Variants in DMD observed in about 807,000 individuals in gnomAD.
DMD encodes mutant dystrophin.
In DMD, 63 loss-of-function variants were observed where a neutral mutation model predicts 330.1. The observed-to-expected ratio is 0.19, with a 90% CI of 0.16 to 0.24. The LOEUF (loss-of-function observed/expected upper bound fraction) is 0.24, where lower values mean the gene tolerates loss of function less well. Ranked by LOEUF, DMD falls within the 10% of genes least tolerant of loss-of-function variation. DMD has a pLI of 1.00. For synonymous variants in DMD, 1,223 were observed against 959.8 expected, an observed-to-expected ratio of 1.27 and a Z score of -5.07; for missense variants, 3,344 against 2,684.1, an observed-to-expected ratio of 1.25 and a Z score of -5.43.
At chrX:31,254,682 G>A (rs1603236188) in intron 63 of DMD, among the ~76,000 whole-genome samples, 1 of 111,337 alleles carries the variant, frequency 9.0e-6, no homozygotes, top group East Asian at 2.8e-4. Flanking sequence ...TACTCTGTTG[G>A]TCAGTATATC....
intron 21 of DMD, among the ~76,000 whole-genome samples, chrX:32,475,173 T>C (rs976004527): frequency 6.3e-5 from 7 of 110,835 alleles, no homozygotes; most frequent in African/African-American, 1.3e-4. Flanking sequence ...GTAAGTATTT[T>C]GGTTTATTTC....
At chrX:32,628,843 T>A (rs1335134084) in intron 11 of DMD, among the ~76,000 whole-genome samples, 1 of 112,063 alleles carries the variant, frequency 8.9e-6, no homozygotes, top group African/African-American at 3.2e-5. Context: ...TTCTTCCTAC[T>A]GATATCTTGA....
At chrX:33,061,813 G>T (rs1489173835) in intron 1 of DMD, among the ~76,000 whole-genome samples, 1 of 111,452 alleles carries the variant, frequency 9.0e-6, no homozygotes, top group Non-Finnish European at 1.9e-5. Context: ...CTAGTTAAGG[G>T]TCAACGAAAT....
intron 60 of DMD, among the ~76,000 whole-genome samples, chrX:31,434,842 T>C (rs2064394615): frequency 8.9e-6 from 1 of 112,137 alleles, no homozygotes; most frequent in African/African-American, 3.2e-5. Context: ...CTGAAATTCA[T>C]ACAACCCTCC....
intron 41 of DMD, among the ~76,000 whole-genome samples, chrX:32,317,059 T>A (rs1164390078): frequency 9.0e-6 from 1 of 111,337 alleles, no homozygotes; most frequent in East Asian, 2.8e-4. Context: ...CCTTCTGAGT[T>A]CTGATGTGTA....
chrX:33,239,239 A>T (rs2052542927), intron 1 of DMD, among the ~76,000 whole-genome samples: 1 of 85,652 alleles, frequency 1.2e-5, no homozygotes, highest in Non-Finnish European at 2.2e-5. Flanking sequence ...CCACCACTGA[A>T]CTCCAGCCTG....
chrX:32,384,777 G>A (rs758805700), intron 33 of DMD, among the ~76,000 whole-genome samples: 1 of 110,868 alleles, frequency 9.0e-6, no homozygotes, highest in African/African-American at 3.3e-5. Flanking sequence ...AATTTTATCA[G>A]TGATGTTGTT....
rs182285051 is a variant in DMD at position 32,054,244 on chromosome X, C to T, written c.6439-85730G>A. On this transcript the variant is annotated intron_variant, in intron 44 of 78. Coordinates refer to ENST00000357033, the MANE Select transcript of DMD (RefSeq NM_004006.3). Reference sequence around the variant, plus strand: ...TTTTAGGGTACATGTGCACAACGTGCAGGTTTGTTACATATGTATACATGT... The same window carrying T: ...TTTTAGGGTACATGTGCACAACGTGTAGGTTTGTTACATATGTATACATGT... 6.1e-3 allele frequency among the ~76,000 whole-genome samples: 651 copies of T among 107,186 alleles called. 9 individuals carry two copies. Among genetic ancestry groups the T allele is most frequent in the African/African-American group, 0.021 (617 of 29,328 alleles). The allele number at this position is 107,186 out of a possible 115,157, so 93.1% of individuals were successfully genotyped here. A position where few individuals can be genotyped will look rare whatever the true frequency, so the allele number is the denominator to read the frequency against.
At chrX:32,498,412 G>A (rs1223372561) in intron 19 of DMD, among the ~76,000 whole-genome samples, 3 of 109,863 alleles carry the variant, frequency 2.7e-5, no homozygotes, top group Non-Finnish European at 3.8e-5. Flanking sequence ...TGCCAGAAAC[G>A]TGATTTTTTT....
At chrX:32,492,211 G>A (rs1160772006) in intron 19 of DMD, among the ~76,000 whole-genome samples, 1 of 111,139 alleles carries the variant, frequency 9.0e-6, no homozygotes, top group African/African-American at 3.3e-5. Context: ...GGTGGCGGGC[G>A]CCTGGGGTTC....
intron 49 of DMD, among the ~76,000 whole-genome samples, chrX:31,828,816 A>T (rs2092953430): frequency 9.0e-6 from 1 of 111,626 alleles, no homozygotes; most frequent in Non-Finnish European, 1.9e-5. Context: ...AATTGGTACC[A>T]ATTATAATGA....
intron 60 of DMD, among the ~76,000 whole-genome samples, chrX:31,358,659 A>G (rs1306590457): frequency 8.9e-6 from 1 of 112,654 alleles, no homozygotes. Context: ...GTGTGACAAG[A>G]ATAAAGGATT....
intron 4 of DMD, among the ~76,000 whole-genome samples, chrX:32,842,818 T>A (rs979834926): frequency 8.2e-4 from 91 of 111,052 alleles, no homozygotes; most frequent in African/African-American, 2.9e-3. Context: ...ATTATTATTT[T>A]TTTTTTTGAT....
At chrX:32,947,872 A>G (rs1211656267) in intron 2 of DMD, among the ~76,000 whole-genome samples, 1 of 111,352 alleles carries the variant, frequency 9.0e-6, no homozygotes, top group Non-Finnish European at 1.9e-5. Flanking sequence ...TTCCAGGAAG[A>G]TGTTTTAGGA....
intron 47 of DMD, among the ~76,000 whole-genome samples, chrX:31,912,095 C>T (rs949933200): frequency 4.5e-5 from 5 of 111,310 alleles, no homozygotes; most frequent in African/African-American, 1.6e-4. Flanking sequence ...AGCTCCAAAG[C>T]ACTTTCCAAA....
intron 16 of DMD, among the ~76,000 whole-genome samples, chrX:32,548,364 A>G (rs1020397625): frequency 1.8e-5 from 2 of 111,760 alleles, no homozygotes; most frequent in African/African-American, 3.2e-5. Flanking sequence ...TGTTATGAAA[A>G]CAGATTTCTC....
intron 2 of DMD, among the ~76,000 whole-genome samples, chrX:32,980,999 C>A (rs1569546980): frequency 9.0e-6 from 1 of 111,340 alleles, no homozygotes; most frequent in Non-Finnish European, 1.9e-5. Context: ...AGCATGAAGC[C>A]ATACCTACTC....
At chrX:32,293,170 C>T (rs2097480884) in intron 42 of DMD, among the ~76,000 whole-genome samples, 1 of 112,380 alleles carries the variant, frequency 8.9e-6, no homozygotes, top group African/African-American at 3.2e-5. Flanking sequence ...CAGAAACAAT[C>T]TGAGAATTTA....
intron 44 of DMD, among the ~76,000 whole-genome samples, chrX:32,124,964 TA>T (rs369743779): frequency 0.18 from 14,057 of 77,304 alleles, 948 homozygotes; most frequent in Non-Finnish European, 0.24. Flanking sequence ...TAGAGAAATC[TA>T]AAAAAAAAAA....
Sources: allele counts gnomAD v4.1 joint callset (sites outside exome capture counted in the v4.1 genomes callset), GRCh38; gene constraint gnomAD v4.1.1; transcripts MANE v1.5; gene names NCBI Gene and HGNC (gene_info 2026-07-23, HGNC 2026-07-21).